Variants in KXD1 observed in about 807,000 individuals in gnomAD.
The protein encoded by KXD1 is kxDL motif-containing protein 1.
In KXD1, 5 loss-of-function variants were observed where a neutral mutation model predicts 12.1. The ratio of observed to expected loss-of-function variants is 0.41; its 90% CI spans 0.22 to 0.87. The LOEUF (loss-of-function observed/expected upper bound fraction) is 0.87. KXD1 is among the 40% of genes least tolerant of loss of function. The probability of loss-of-function intolerance (pLI) is 0.31; values close to 1 mark genes in which losing one functional copy is unlikely to be tolerated. For synonymous variants in KXD1, 98 were observed against 100.5 expected (o/e 0.98, Z 0.15); for missense variants, 193 against 244.9 (o/e 0.79, Z 1.41).
At chr19:18,563,277 T>G (rs76013807) in intron 2 of KXD1, among the ~76,000 whole-genome samples, 3,881 of 151,952 alleles carry the variant, frequency 0.026, 86 homozygotes, top group South Asian at 0.039. Context: ...CAGACCTGAT[T>G]TCCTTACCTT....
At chr19:18,568,356 A>T (rs375064626) in intron 4 of KXD1, 46 bp from the exon 5 acceptor site, 1 of 1,432,292 alleles carries the variant, frequency 7.0e-7, no homozygotes, top group Non-Finnish European at 9.8e-7. Flanking sequence ...TACATCACAG[A>T]GCTTGGCAAG....
intron 1 of KXD1, chr19:18,559,971 C>T (rs1275332529): frequency 7.0e-6 from 1 of 143,550 alleles, no homozygotes; most frequent in East Asian, 2.1e-4. Context: ...CTCTCTCTTT[C>T]TCTCTCTCCC....
In KXD1 at chr19:18,557,933, C is replaced by G. The variant is rs1976986074; in HGVS notation, c.-22+19C>G. ...TGTGCAGGTGCCGCCGCTACCGACG[C>G]CGGGGCCGAGTTTGGGGTGGGGCTG... On this transcript the variant is annotated intron_variant, in intron 1 of 4. Transcript: ENST00000222307. 6.6e-6 allele frequency: 1 copy of G among 152,248 alleles called. No individual in the cohort carries two copies. The highest frequency in any genetic ancestry group is 2.4e-5 in the African/African-American group (1 of 41,466). The allele number at this position is 152,248 out of a possible 1,614,324, so 9.4% of individuals were successfully genotyped here.
chr19:18,564,957 C>T lies in KXD1; in HGVS notation c.190C>T (p.Leu64=). 1 of 1,612,768 alleles carries T rather than the reference C, an allele frequency of 6.2e-7. No homozygotes were observed. Among genetic ancestry groups the T allele is most frequent in the Non-Finnish European group, 8.5e-7 (1 of 1,180,006 alleles). ...ARLQQMSERF[L]HHTRTLVEMK... Reference sequence around the variant, plus strand: ...CCTGCAGCAGATGAGCGAACGCTTCCTGCACCACACGAGGACCCTAGTAGA... The same window carrying T: ...CCTGCAGCAGATGAGCGAACGCTTCTTGCACCACACGAGGACCCTAGTAGA... The change falls in exon 3 of 5, where the codon CTG becomes TTG. Residue 64 remains leucine (L), a synonymous_variant. Transcript: ENST00000222307.
intron 3 of KXD1, 119 bp downstream of exon 3, chr19:18,565,140 C>G (rs757773033): frequency 1.9e-5 from 28 of 1,505,386 alleles, no homozygotes; most frequent in Non-Finnish European, 2.3e-5. Flanking sequence ...CAAGGCTTCA[C>G]TGCGCACTTA....
intron 3 of KXD1, among the ~76,000 whole-genome samples, chr19:18,565,825 C>T (rs968796885): frequency 4.6e-5 from 7 of 152,104 alleles, no homozygotes; most frequent in Admixed American, 2.6e-4. Flanking sequence ...GTAGCTGGGA[C>T]TACAGGCGCA....
Position 18,562,079 on chromosome 19 carries a change from C to T in KXD1, c.23C>T (p.Ser8Leu), listed in dbSNP as rs61763054. The T allele has an allele frequency of 1.2e-5, 20 of 1,613,382 alleles. No individual in the cohort carries two copies. Among genetic ancestry groups the T allele is most frequent in the South Asian group, 8.8e-5 (8 of 90,954 alleles). Residue 8 changes from serine to leucine, a missense_variant, in exon 2 of 5, where the codon TCG (serine) becomes TTG (leucine). Coordinates refer to ENST00000222307, the MANE Select transcript of KXD1 (RefSeq NM_024069.4). ...GAGATGGACCTCCCGGACTCGGCCT[C>T]GAGGGTCTTCTGCGGCCGCATCCTG... MDLPDSA[S>L]RVFCGRILSM...
Position 18,568,863 on chromosome 19 carries a change from C to T in KXD1, c.*232C>T, listed in dbSNP as rs1975390577. 1 of 549,080 alleles carries T rather than the reference C, an allele frequency of 1.8e-6. No homozygotes were observed. The highest frequency in any genetic ancestry group is 3.3e-5 in the Admixed American group (1 of 29,878). 34.0% of individuals were successfully genotyped at this position (549,080 alleles called of 1,614,324 possible). On this transcript the variant is annotated 3_prime_UTR_variant, in exon 5 of 5. Transcript: ENST00000222307. ...TATTCTGCAAGACCCCTCTGCCATGCCAGGGCACGCCCATTCCAGCTGGAG... is the reference window on the plus strand; with the variant it reads ...TATTCTGCAAGACCCCTCTGCCATGTCAGGGCACGCCCATTCCAGCTGGAG...
Position 18,564,903 on chromosome 19 carries a change from C to T in KXD1, c.136C>T (p.Leu46Phe). Residue 46 changes from leucine to phenylalanine, a missense_variant, in exon 3 of 5, where the codon CTC becomes TTC. Physicochemically the swap from Leu to Phe is conservative, Grantham distance 22. Transcript: ENST00000222307. ...DRFEKTNEML[L>F]NFNNLSSARL... ...CTTTGAGAAGACCAATGAGATGCTG[C>T]TCAACTTCAACAACCTGTCCAGTGC... The T allele has an allele frequency of 1.2e-6, 2 of 1,613,834 alleles. No homozygotes were observed. Among genetic ancestry groups the T allele is most frequent in the South Asian group, 2.2e-5 (2 of 91,084 alleles).
At chr19:18,563,088 G>A (rs955235764) in intron 2 of KXD1, among the ~76,000 whole-genome samples, 2 of 151,788 alleles carry the variant, frequency 1.3e-5, no homozygotes, top group African/African-American at 2.4e-5. Context: ...ATCAGCTGTC[G>A]TTAGTGTTAG....
chr19:18,566,099 G>A (rs1015004394), intron 3 of KXD1, among the ~76,000 whole-genome samples: 7 of 152,094 alleles, frequency 4.6e-5, no homozygotes, highest in Admixed American at 1.3e-4. Context: ...CCAAAGTGCT[G>A]GGATTATAGG....
intron 2 of KXD1, among the ~76,000 whole-genome samples, chr19:18,564,102 G>A (rs1975074971): frequency 6.6e-6 from 1 of 151,866 alleles, no homozygotes; most frequent in Admixed American, 6.6e-5. Flanking sequence ...GGCAAGGCTG[G>A]TCTCGAACTC....
At chr19:18,563,512 AT>A (rs892975417) in intron 2 of KXD1, among the ~76,000 whole-genome samples, 7 of 148,886 alleles carry the variant, frequency 4.7e-5, no homozygotes, top group African/African-American at 7.4e-5. Context: ...TGCCTGGCTG[AT>A]TTTTTTTTTG....
rs1220940142 is a variant in KXD1 at position 18,563,361 on chromosome 19, TTG to T, written c.101+1205_101+1206del. On this transcript the variant is annotated intron_variant, in intron 2 of 4. Transcript: ENST00000222307. The stretch of plus-strand genomic sequence containing the variant: ...TCCTGTGTCTTTTTTTTTTTTTTTT[TTG>T]GGAGACAGAGTCTCACTCTGTCGCC... 8.6e-4 allele frequency among the ~76,000 whole-genome samples: 130 copies of T among 151,228 alleles called. No homozygotes were observed. The South Asian group carries it at 0.026, about 30-fold the overall frequency.
intron 2 of KXD1, 148 bp downstream of exon 2, chr19:18,562,305 C>T: frequency 1.5e-6 from 1 of 654,220 alleles, no homozygotes. Flanking sequence ...TAAATTCCTT[C>T]CCGGCCTGGA....
At chr19:18,567,614 A>G (rs1975316690) in intron 4 of KXD1, among the ~76,000 whole-genome samples, 2 of 152,144 alleles carry the variant, frequency 1.3e-5, no homozygotes, top group South Asian at 4.1e-4. Context: ...GGAGAGGGAA[A>G]CAGAGGCCCA....
At chr19:18,560,864 G>A (rs1319338761) in intron 1 of KXD1, among the ~76,000 whole-genome samples, 1 of 151,962 alleles carries the variant, frequency 6.6e-6, no homozygotes, top group African/African-American at 2.4e-5. Context: ...CCACCACCAT[G>A]CCTGGCTAAT....
intron 1 of KXD1, chr19:18,560,033 C>T (rs1482356748): frequency 1.5e-4 from 18 of 122,992 alleles, no homozygotes; most frequent in Admixed American, 1.4e-3. Context: ...GAGATGGAGT[C>T]TCACTCTGTC....
In KXD1 at chr19:18,562,226, C is replaced by T. The variant is rs1027597596; in HGVS notation, c.101+69C>T. 44 of 1,192,232 alleles carry T rather than the reference C, an allele frequency of 3.7e-5. 1 individual carries two copies. The highest frequency in any genetic ancestry group is 3.1e-4 in the African/African-American group (20 of 64,870). 73.9% of individuals were successfully genotyped at this position (1,192,232 alleles called of 1,614,324 possible). ...GGCTGGCCAACATTCTTGTCTTGCC[C>T]GCCCCTACCCGGGGCCCACACTGGT... On this transcript the variant is annotated intron_variant, in intron 2 of 4. Coordinates refer to ENST00000222307, the MANE Select transcript of KXD1 (RefSeq NM_024069.4).
Sources: allele counts gnomAD v4.1 joint callset (sites outside exome capture counted in the v4.1 genomes callset), GRCh38; gene constraint gnomAD v4.1.1; transcripts MANE v1.5; gene names NCBI Gene and HGNC (gene_info 2026-07-23, HGNC 2026-07-21).